UTRN: variants seen among roughly 807,000 people sequenced by gnomAD.
The protein encoded by UTRN is utrophin.
UTRN carries 283 observed loss-of-function variants against 463.9 expected under a neutral mutation model. The ratio of observed to expected loss-of-function variants is 0.61; its 90% CI spans 0.55 to 0.67. The LOEUF (loss-of-function observed/expected upper bound fraction) is 0.67, where lower values mean the gene tolerates loss of function less well. Among genes scored for constraint, UTRN ranks in the 30% least tolerant of loss-of-function variants. The probability of loss-of-function intolerance (pLI) is 0.00; values close to 1 mark genes in which losing one functional copy is unlikely to be tolerated. For missense variants in UTRN, 3,922 were observed against 4,084.3 expected (o/e 0.96, Z 1.08); for synonymous variants, 1,442 against 1,431.5 (o/e 1.01, Z -0.17).
rs764642190 is a variant in UTRN at position 144,782,061 on chromosome 6, C to G, written c.8772C>G (p.Asp2924Glu). The G allele has an allele frequency of 2.5e-6, 4 of 1,613,900 alleles. No homozygotes were observed. In the African/African-American group the frequency reaches 5.3e-5, roughly 22 times the overall value. ...ATGGACTTGAGCAAATGCATAAGGA[C>G]CTGGTCAACGTTCCACTCTGTGTTG... ...TYDGLEQMHK[D>E]LVNVPLCVDM... Residue 2924 changes from aspartate (D) to glutamate (E), a missense_variant, in exon 61 of 75, where the codon GAC (aspartate) becomes GAG (glutamate). Transcript: ENST00000367545.
At chr6:144,677,558 T>C (rs1156889292) in intron 51 of UTRN, among the ~76,000 whole-genome samples, 1 of 152,196 alleles carries the variant, frequency 6.6e-6, no homozygotes, top group Non-Finnish European at 1.5e-5. Flanking sequence ...TTACTGTAAA[T>C]AGTGCTGCAG....
At chr6:144,483,539 C>T (rs186422253) in intron 27 of UTRN, among the ~76,000 whole-genome samples, 5 of 152,252 alleles carry the variant, frequency 3.3e-5, no homozygotes, top group Middle Eastern at 3.4e-3. Flanking sequence ...AACTCCTGGG[C>T]TCAAGTGACC....
chr6:144,690,322 G>T (rs1783263776), intron 52 of UTRN, among the ~76,000 whole-genome samples: 1 of 151,382 alleles, frequency 6.6e-6, no homozygotes, highest in Admixed American at 6.6e-5. Flanking sequence ...AAATGAGGGG[G>T]GTGTAGCCAG....
intron 2 of UTRN, among the ~76,000 whole-genome samples, chr6:144,309,883 G>T (rs1806092445): frequency 6.6e-6 from 1 of 152,168 alleles, no homozygotes; most frequent in Non-Finnish European, 1.5e-5. Context: ...ATTATATGAG[G>T]CAGGCACCTC....
chr6:144,713,622 A>T (rs6927033), intron 53 of UTRN, among the ~76,000 whole-genome samples: 58,446 of 145,822 alleles, frequency 0.4, 15,682 homozygotes, highest in African/African-American at 0.76. Context: ...CTCAAAAAAA[A>T]AAATAAATAA....
intron 51 of UTRN, among the ~76,000 whole-genome samples, chr6:144,662,692 G>A (rs759827507): frequency 7.2e-5 from 11 of 152,152 alleles, no homozygotes; most frequent in East Asian, 5.8e-4. Context: ...ATCCTGATAC[G>A]CTTAGTAGTT....
chr6:144,331,553 A>T (rs1776334213), intron 2 of UTRN, among the ~76,000 whole-genome samples: 2 of 152,298 alleles, frequency 1.3e-5, no homozygotes, highest in East Asian at 1.9e-4. Context: ...TTGAGTAGTT[A>T]ATTAGTGCCC....
intron 48 of UTRN, among the ~76,000 whole-genome samples, chr6:144,551,683 T>C (rs146919175): frequency 6.6e-6 from 1 of 152,338 alleles, no homozygotes; most frequent in East Asian, 1.9e-4. Flanking sequence ...TTAGTGGGAA[T>C]GTACTACCAA....
intron 51 of UTRN, among the ~76,000 whole-genome samples, chr6:144,615,106 T>G (rs1805945619): frequency 6.6e-6 from 1 of 152,200 alleles, no homozygotes; most frequent in Non-Finnish European, 1.5e-5. Context: ...GACATTTTAG[T>G]TTATTTAAAA....
chr6:144,522,949 G>T (rs1796237956), intron 40 of UTRN, 67 bp from the exon 41 acceptor site: 2 of 1,153,612 alleles, frequency 1.7e-6, no homozygotes, highest in South Asian at 1.8e-5. Context: ...ATAAATATCT[G>T]GTCATCTGTG....
intron 51 of UTRN, among the ~76,000 whole-genome samples, chr6:144,676,035 AT>A: frequency 6.6e-6 from 1 of 152,254 alleles, no homozygotes; most frequent in African/African-American, 2.4e-5. Context: ...AATGTATTTT[AT>A]AAAGATAAAC....
intron 2 of UTRN, among the ~76,000 whole-genome samples, chr6:144,346,560 C>G (rs922199794): frequency 1.3e-5 from 2 of 152,194 alleles, no homozygotes; most frequent in African/African-American, 4.8e-5. Flanking sequence ...ATGGCTCATG[C>G]TTGTAATCCC....
intron 74 of UTRN, 48 bp downstream of exon 74, chr6:144,846,875 G>A (rs1184396953): frequency 1.9e-6 from 3 of 1,610,062 alleles, no homozygotes; most frequent in Non-Finnish European, 2.5e-6. Context: ...TCCCAACCTA[G>A]AGTAAGCAGA....
Position 144,417,274 on chromosome 6 carries a change from A to G in UTRN, c.142-4604A>G, listed in dbSNP as rs549063214. Among the ~76,000 whole-genome samples, 4 of 152,286 alleles carry G rather than the reference A, an allele frequency of 2.6e-5. No individual in the cohort carries two copies. In the East Asian group the frequency reaches 5.8e-4, roughly 22 times the overall value. On this transcript the variant is annotated intron_variant, in intron 3 of 74. Transcript: ENST00000367545. Reference sequence around the variant, plus strand: ...CCAGTGATGAAATATTTTCTTCCCTATCTGTCCTAGTCCTGTGTCTTCATA... The same window carrying G: ...CCAGTGATGAAATATTTTCTTCCCTGTCTGTCCTAGTCCTGTGTCTTCATA...
chr6:144,842,110 CAAAAAAA>C lies in UTRN; in HGVS notation c.10270+1296_10270+1302del, dbSNP rs35954430. ...GGGAGACAGCGTGAGACTTCCTCTC[CAAAAAAA>C]AAAAAAAAAAAAAAAAAGCCATCCG... On this transcript the variant is annotated intron_variant, in intron 73 of 74. Coordinates refer to ENST00000367545, the MANE Select transcript of UTRN (RefSeq NM_007124.3). 2.4e-3 allele frequency among the ~76,000 whole-genome samples: 150 copies of C among 62,106 alleles called. 1 individual carries two copies. Among genetic ancestry groups the C allele is most frequent in the African/African-American group, 5.3e-3 (113 of 21,294 alleles). 40.7% of individuals were successfully genotyped at this position (62,106 alleles called of 152,430 possible). A position where few individuals can be genotyped will look rare whatever the true frequency, so the allele number is the denominator to read the frequency against.
At position 144,775,267 on chromosome 6, in the gene UTRN, C is replaced by T. The variant is rs554746536; in HGVS notation, c.8632+903C>T. Among the ~76,000 whole-genome samples, 23 of 151,854 alleles carry T rather than the reference C, an allele frequency of 1.5e-4. No individual in the cohort carries two copies. The East Asian group carries it at 2.5e-3, about 17-fold the overall frequency. On this transcript the variant is annotated intron_variant, in intron 60 of 74. Transcript: ENST00000367545. Reference sequence around the variant, plus strand: ...AGCAATAAATTTTAAGCTGGCTGCACGAAGAATTGAGGAAAGAGAGGTATA... The same window carrying T: ...AGCAATAAATTTTAAGCTGGCTGCATGAAGAATTGAGGAAAGAGAGGTATA...
At chr6:144,820,842 C>T in intron 65 of UTRN, 40 bp from the exon 66 acceptor site, 1 of 1,586,038 alleles carries the variant, frequency 6.3e-7, no homozygotes, top group Non-Finnish European at 8.6e-7. Flanking sequence ...TATTGCCTTC[C>T]ATTTTACTGA....
intron 52 of UTRN, among the ~76,000 whole-genome samples, chr6:144,685,989 G>GT (rs1381711492): frequency 6.6e-6 from 1 of 152,010 alleles, no homozygotes; most frequent in Non-Finnish European, 1.5e-5. Flanking sequence ...TTTCAGAAGA[G>GT]TTTTTCCTAG....
At chr6:144,832,090 C>G (rs1780720901) in intron 69 of UTRN, among the ~76,000 whole-genome samples, 1 of 152,080 alleles carries the variant, frequency 6.6e-6, no homozygotes, top group Non-Finnish European at 1.5e-5. Flanking sequence ...ATTTTTGCAA[C>G]ATTTTCTATT....
Sources: gnomAD v4.1 joint callset for allele counts (sites outside exome capture counted in the v4.1 genomes callset) on GRCh38, gnomAD v4.1.1 for gene constraint, MANE v1.5 for transcripts, NCBI Gene and HGNC (gene_info 2026-07-23, HGNC 2026-07-21) for gene names.